OSBP2: variants seen among roughly 807,000 people sequenced by gnomAD.
OSBP2 encodes oxysterol-binding protein 2.
OSBP2 carries 66 observed loss-of-function variants against 96.0 expected under a neutral mutation model. The ratio of observed to expected loss-of-function variants is 0.69; its 90% CI spans 0.56 to 0.84. The LOEUF is 0.84. OSBP2 is among the 40% of genes least tolerant of loss of function. OSBP2 has a pLI of 0.00. For synonymous variants in OSBP2, 525 were observed against 520.9 expected (o/e 1.01, Z -0.11); for missense variants, 1,038 against 1,222.7 (o/e 0.85, Z 2.25).
At position 30,889,196 on chromosome 22, in the gene OSBP2, A is replaced by C; in HGVS notation, c.1438A>C (p.Thr480Pro). 1 of 1,613,562 alleles carries C rather than the reference A, an allele frequency of 6.2e-7. No individual in the cohort carries two copies. The highest frequency in any genetic ancestry group is 8.5e-7 in the Non-Finnish European group (1 of 1,179,862). The change falls in exon 6 of 14, where the codon ACC becomes CCC. Residue 480 changes from threonine to proline, a missense_variant. Physicochemically the swap from Thr to Pro is conservative, Grantham distance 38. Around this residue, in one of 3 missense-constraint regions of OSBP2, gnomAD observed 737 missense variants for 913.3 expected, o/e 0.81. Coordinates refer to ENST00000332585, the MANE Select transcript of OSBP2 (RefSeq NM_030758.4). ...TTCCAGCAGAAAAGCTGAAGGTAGC[A>C]CCGGGACAAGTTCCGTGGACTGGAG... ...KEDSRKAEGS[T>P]GTSSVDWSSA...
chr22:30,833,074 G>A (rs1253010963), intron 2 of OSBP2, among the ~76,000 whole-genome samples: 3 of 152,178 alleles, frequency 2.0e-5, no homozygotes, highest in Non-Finnish European at 4.4e-5. Flanking sequence ...GAAGGATTCA[G>A]TCACCCATAT....
chr22:30,884,221 G>A, intron 3 of OSBP2, among the ~76,000 whole-genome samples: 1 of 152,170 alleles, frequency 6.6e-6, no homozygotes, highest in East Asian at 1.9e-4. Context: ...TTCTTTCCTC[G>A]AGGAGGCCTT....
intron 2 of OSBP2, among the ~76,000 whole-genome samples, chr22:30,834,094 C>T (rs764785500): frequency 4.6e-5 from 7 of 152,064 alleles, no homozygotes; most frequent in Middle Eastern, 3.4e-3. Flanking sequence ...CTGCTGCCCA[C>T]GCTGGGGTGC....
At chr22:30,861,471 C>T (rs1235262736) in intron 2 of OSBP2, among the ~76,000 whole-genome samples, 2 of 152,212 alleles carry the variant, frequency 1.3e-5, no homozygotes, top group Non-Finnish European at 2.9e-5. Context: ...GAGGGGCCTA[C>T]GGAGAGGCCC....
chr22:30,738,638 G>A (rs1376776790), intron 1 of OSBP2, among the ~76,000 whole-genome samples: 1 of 151,042 alleles, frequency 6.6e-6, no homozygotes, highest in Non-Finnish European at 1.5e-5. Flanking sequence ...TTGTCTCATT[G>A]CAACCTCCGC....
chr22:30,888,528 G>A (rs1254828678), intron 5 of OSBP2, among the ~76,000 whole-genome samples, 188 bp downstream of exon 5: 1 of 152,178 alleles, frequency 6.6e-6, no homozygotes, highest in African/African-American at 2.4e-5. Context: ...AAGAGTTTGA[G>A]ACCAGCCTGG....
intron 2 of OSBP2, among the ~76,000 whole-genome samples, chr22:30,791,231 C>T (rs1241886909): frequency 6.6e-6 from 1 of 151,976 alleles, no homozygotes; most frequent in Non-Finnish European, 1.5e-5. Flanking sequence ...CTAGGCCTCC[C>T]ACACTGTTGG....
At chr22:30,859,506 A>T (rs1033536557) in intron 2 of OSBP2, among the ~76,000 whole-genome samples, 2 of 152,172 alleles carry the variant, frequency 1.3e-5, no homozygotes, top group Non-Finnish European at 2.9e-5. Flanking sequence ...GAAGCTAGGC[A>T]CCAGGCCGTG....
In OSBP2 at chr22:30,890,647, C is replaced by T. The variant is rs183162158; in HGVS notation, c.1624-81C>T. 3.0e-3 allele frequency: 4,550 copies of T among 1,516,500 alleles called. 15 individuals carry two copies. Among genetic ancestry groups the T allele is most frequent in the Non-Finnish European group, 3.7e-3 (4,096 of 1,111,462 alleles). The allele number at this position is 1,516,500 out of a possible 1,614,324, so 93.9% of individuals were successfully genotyped here. ...AAGGTGCTGTCTGAGCAGGGATGTC[C>T]CTGAACATCCGAGAAAAGCAAGGGC... On this transcript the variant is annotated intron_variant, in intron 7 of 13. Coordinates refer to ENST00000332585, the MANE Select transcript of OSBP2 (RefSeq NM_030758.4). The surrounding 1 kb of genome is among the most constrained non-coding windows in gnomAD (Gnocchi z 4.4).
intron 2 of OSBP2, among the ~76,000 whole-genome samples, chr22:30,795,800 T>G (rs1254277993): frequency 6.6e-6 from 1 of 152,278 alleles, no homozygotes; most frequent in East Asian, 1.9e-4. Flanking sequence ...ATTACAGGCA[T>G]GAGCCACCCT....
chr22:30,879,085 G>A (rs1239913860), intron 3 of OSBP2, among the ~76,000 whole-genome samples: 8 of 152,206 alleles, frequency 5.3e-5, no homozygotes, highest in African/African-American at 1.9e-4. Flanking sequence ...GGGCCCCACT[G>A]CTGGACATGC....
chr22:30,835,097 C>G (rs1409756975), intron 2 of OSBP2, among the ~76,000 whole-genome samples: 1 of 152,038 alleles, frequency 6.6e-6, no homozygotes, highest in Non-Finnish European at 1.5e-5. Flanking sequence ...TTACACCATG[C>G]CTGGCCTGTC....
intron 1 of OSBP2, among the ~76,000 whole-genome samples, chr22:30,733,252 C>T (rs1018847197): frequency 1.3e-5 from 2 of 152,132 alleles, no homozygotes; most frequent in African/African-American, 4.8e-5. Flanking sequence ...GGAAGGAAAG[C>T]AAGGGGAGGA....
intron 2 of OSBP2, among the ~76,000 whole-genome samples, chr22:30,810,374 T>C (rs911534674): frequency 6.6e-6 from 1 of 152,174 alleles, no homozygotes; most frequent in Non-Finnish European, 1.5e-5. Flanking sequence ...TTGTGTCTTC[T>C]GTGTACACTT....
chr22:30,757,887 C>T (rs1290047382), intron 2 of OSBP2, among the ~76,000 whole-genome samples: 2 of 152,176 alleles, frequency 1.3e-5, no homozygotes, highest in Non-Finnish European at 2.9e-5. Flanking sequence ...GAGTCCTGCC[C>T]TCCCTGATCC....
intron 2 of OSBP2, among the ~76,000 whole-genome samples, chr22:30,835,347 T>C (rs56104306): frequency 0.054 from 8,153 of 152,226 alleles, 722 homozygotes; most frequent in African/African-American, 0.18. Context: ...TCCAACTTCA[T>C]TCTTTTGCAT....
chr22:30,889,149 T>C lies in OSBP2; in HGVS notation c.1419-28T>C, dbSNP rs12166521. On this transcript the variant is annotated intron_variant, in intron 5 of 13. Transcript: ENST00000332585. ...CCAAGGAGACCTCGGGATTCATTAG[T>C]AACTTGCCTCCCGCTTTGTATTTCC... 2.7e-3 allele frequency: 4,397 copies of C among 1,607,272 alleles called. 110 individuals carry two copies. The African/African-American group carries it at 0.052, about 19-fold the overall frequency.
intron 12 of OSBP2, among the ~76,000 whole-genome samples, chr22:30,895,644 G>A (rs909452023): frequency 1.3e-5 from 2 of 152,148 alleles, no homozygotes; most frequent in African/African-American, 2.4e-5. Context: ...AACCCACAAT[G>A]AAAACAGTAT....
Position 30,752,384 on chromosome 22 carries a change from C to T in OSBP2, c.853+11015C>T, listed in dbSNP as rs561554365. Among the ~76,000 whole-genome samples the T allele has an allele frequency of 2.7e-5, 4 of 147,014 alleles. No homozygotes were observed. In the Admixed American group the frequency reaches 2.7e-4, roughly 10 times the overall value. ...CACCATCTCGGCTCACTGCAAGCTCCACCTCCTGGGTTCACGCCATTCTTC... is the reference window on the plus strand; with the variant it reads ...CACCATCTCGGCTCACTGCAAGCTCTACCTCCTGGGTTCACGCCATTCTTC... On this transcript the variant is annotated intron_variant, in intron 2 of 13. Transcript: ENST00000332585.
Sources: gnomAD v4.1 joint callset for allele counts (sites outside exome capture counted in the v4.1 genomes callset) on GRCh38, gnomAD v4.1.1 for gene constraint, gnomAD v4.1.1 regional missense constraint, Gnocchi (gnomAD v3.1) non-coding constraint, MANE v1.5 for transcripts, NCBI Gene and HGNC (gene_info 2026-07-23, HGNC 2026-07-21) for gene names.